The following PCDHGA8 variants were observed in gnomAD, a reference collection of about 807,000 sequenced individuals.
PCDHGA8 encodes the protein protocadherin gamma subfamily A, 8, also known as protocadherin gamma-A8.
In PCDHGA8, 45 loss-of-function variants were observed where a neutral mutation model predicts 59.2. That is an observed-to-expected ratio of 0.76 (90% CI 0.60 to 0.98). The LOEUF is 0.98. Ranked by LOEUF, PCDHGA8 falls within the 50% of genes least tolerant of loss-of-function variation. The pLI is 0.00. For missense variants in PCDHGA8, 1,257 were observed against 1,196.2 expected (o/e 1.05, Z -0.75); for synonymous variants, 531 against 519.0 (o/e 1.02, Z -0.32).
rs141295392 is a variant in PCDHGA8 at position 141,393,658 on chromosome 5, G to A, written c.845G>A (p.Arg282Gln). 3.0e-5 allele frequency: 49 copies of A among 1,613,798 alleles called. No homozygotes were observed. The Middle Eastern group carries it at 6.6e-4, about 22-fold the overall frequency. ...AACGGAAAAGTGGCATACAAATTCC[G>A]GAAAATTAATGAAAAACAAACTCCG... Reference protein sequence around the residue: ...GINGKVAYKFRKINEKQTPLF... With the variant: ...GINGKVAYKFQKINEKQTPLF... The change falls in exon 1 of 4, where the codon CGG becomes CAG. Residue 282 changes from arginine to glutamine, a missense_variant. Arg to Gln is a conservative substitution (Grantham distance 43). Transcript: ENST00000398604.
chr5:141,393,387 C>T lies in PCDHGA8; in HGVS notation c.574C>T (p.Pro192Ser), dbSNP rs772072669. The stretch of plus-strand genomic sequence containing the variant: ...GACTGGAGACAATGGAGCCATAAAC[C>T]CAGAGCTGGTGCTGGAGCGCGCCCT... ...VQTGDNGAINPELVLERALDR... is the reference protein window; with the variant it reads ...VQTGDNGAINSELVLERALDR... The change falls in exon 1 of 4, where the codon CCA (proline) becomes TCA (serine). Residue 192 changes from proline to serine, a missense_variant. Pro to Ser is a moderately conservative substitution (Grantham distance 74). Coordinates refer to ENST00000398604, the MANE Select transcript of PCDHGA8 (RefSeq NM_032088.2). The T allele has an allele frequency of 3.7e-6, 6 of 1,613,972 alleles. No homozygotes were observed. The East Asian group carries it at 1.3e-4, about 36-fold the overall frequency.
intron 1 of PCDHGA8, chr5:141,423,674 C>A (rs57195665): frequency 0.087 from 131,432 of 1,514,090 alleles, 6,254 homozygotes; most frequent in East Asian, 0.14. Flanking sequence ...AGATTTATTT[C>A]TCTGCCTCCT....
chr5:141,433,222 A>G, intron 1 of PCDHGA8: 6 of 1,519,556 alleles, frequency 3.9e-6, no homozygotes, highest in Non-Finnish European at 5.4e-6. Flanking sequence ...TTTTTTTTTA[A>G]TTGCTCTGTC....
intron 1 of PCDHGA8, chr5:141,403,938 G>C (rs1181403397): frequency 1.2e-6 from 2 of 1,613,848 alleles, no homozygotes; most frequent in Non-Finnish European, 1.7e-6. Flanking sequence ...GGATTGAAAG[G>C]GTGGACAAAA....
rs564439931 is a variant in PCDHGA8 at position 141,490,480 on chromosome 5, C to T, written c.2425-4327C>T. On this transcript the variant is annotated intron_variant, in intron 1 of 3. Coordinates refer to ENST00000398604, the MANE Select transcript of PCDHGA8 (RefSeq NM_032088.2). The surrounding 1 kb of genome is among the most constrained non-coding windows in gnomAD (Gnocchi z 5.4). ...GCTGCTAACCAGCCAGCCTTTGGAC[C>T]GGGAGGCCACATCCCACTATATCAT... The T allele has an allele frequency of 3.5e-5, 56 of 1,614,194 alleles. No individual in the cohort carries two copies. Among genetic ancestry groups the T allele is most frequent in the Admixed American group, 1.5e-4 (9 of 60,022 alleles).
intron 2 of PCDHGA8, among the ~76,000 whole-genome samples, chr5:141,500,906 G>C (rs1333707004): frequency 6.7e-6 from 1 of 149,672 alleles, no homozygotes; most frequent in African/African-American, 2.5e-5. Flanking sequence ...GTCTCGCTCT[G>C]TCTCCAGGCT....
chr5:141,400,678 TTG>T, intron 1 of PCDHGA8: 1 of 882,002 alleles, frequency 1.1e-6, no homozygotes, highest in Non-Finnish European at 1.7e-6. Flanking sequence ...GAGCAGTAAA[TTG>T]TGAGTTTTTA....
At chr5:141,445,963 A>G (rs2098483291) in intron 1 of PCDHGA8, among the ~76,000 whole-genome samples, 2 of 152,342 alleles carry the variant, frequency 1.3e-5, no homozygotes, top group South Asian at 2.1e-4. Flanking sequence ...TATATGGAGA[A>G]TTGATTTATG....
chr5:141,421,491 A>G (rs934861223), intron 1 of PCDHGA8: 8 of 1,614,102 alleles, frequency 5.0e-6, no homozygotes, highest in Non-Finnish European at 6.8e-6. Context: ...TGATCACGGC[A>G]GGCAGGATAG....
chr5:141,438,721 G>A (rs886300746), intron 1 of PCDHGA8, among the ~76,000 whole-genome samples: 30 of 148,304 alleles, frequency 2.0e-4, no homozygotes, highest in Non-Finnish European at 7.4e-5. Flanking sequence ...AGTGCAAGTG[G>A]TGTGATCTCA....
chr5:141,421,530 C>A, intron 1 of PCDHGA8: 1 of 1,614,040 alleles, frequency 6.2e-7, no homozygotes, highest in Non-Finnish European at 8.5e-7. Context: ...AGACGGTGTC[C>A]TCCTGTTTTT....
At chr5:141,415,740 G>GTTTTTTTTTTTTTTTTTGTTTTT (rs2095912994) in intron 1 of PCDHGA8, 1 of 515,998 alleles carries the variant, frequency 1.9e-6, no homozygotes. Flanking sequence ...GTTTATTAAG[G>GTTTTTTTTTTTTTTTTTGTTTTT]TTTTTTTTTT....
At chr5:141,466,510 AT>A (rs1222513096) in intron 1 of PCDHGA8, among the ~76,000 whole-genome samples, 1 of 151,938 alleles carries the variant, frequency 6.6e-6, no homozygotes, top group Non-Finnish European at 1.5e-5. Context: ...AGACAAGATC[AT>A]TTTTTTTCCT....
At position 141,487,398 on chromosome 5, in the gene PCDHGA8, G is replaced by A. The variant is rs1342197934; in HGVS notation, c.2425-7409G>A. 1.9e-6 allele frequency: 3 copies of A among 1,613,926 alleles called. No individual in the cohort carries two copies. The African/African-American group carries it at 4.0e-5, about 22-fold the overall frequency. ...CTCACCAGATCTCGAAGGAGGGAGGGGCTTCCCCCTTCCAATGGGATCCTC... is the reference window on the plus strand; with the variant it reads ...CTCACCAGATCTCGAAGGAGGGAGGAGCTTCCCCCTTCCAATGGGATCCTC... On this transcript the variant is annotated intron_variant, in intron 1 of 3. Transcript: ENST00000398604. The surrounding 1 kb of genome is among the most constrained non-coding windows in gnomAD (Gnocchi z 5.0).
chr5:141,414,184 G>C (rs1228749194), intron 1 of PCDHGA8: 3 of 1,609,416 alleles, frequency 1.9e-6, no homozygotes, highest in Non-Finnish European at 2.5e-6. Flanking sequence ...AACTGCAAAA[G>C]TGTTGATTAC....
intron 1 of PCDHGA8, chr5:141,421,226 C>A (rs368125665): frequency 3.7e-5 from 58 of 1,584,718 alleles, no homozygotes; most frequent in Non-Finnish European, 4.6e-5. Context: ...TTAGAGCCTG[C>A]CATGGCGAAT....
rs1561869085 is a variant in PCDHGA8, at chr5:141,433,357, GCCTA to G, written c.2424+38121_2424+38124del. On this transcript the variant is annotated intron_variant, in intron 1 of 3. Transcript: ENST00000398604. ...TACAGGTGCAAGCCACCTACTGTCT[GCCTA>G]TCTATCTATCTATCTATCTATCTAT... is the stretch of plus-strand genomic sequence containing the variant. 3 of 568,974 alleles carry G rather than the reference GCCTA, an allele frequency of 5.3e-6. No homozygotes were observed. In the African/African-American group the frequency reaches 6.4e-5, roughly 12 times the overall value. The allele number at this position is 568,974 out of a possible 1,614,324, so 35.2% of individuals were successfully genotyped here.
At chr5:141,405,442 CAG>C in intron 1 of PCDHGA8, 1 of 1,378,150 alleles carries the variant, frequency 7.3e-7, no homozygotes, top group South Asian at 1.3e-5. Context: ...GTTTTTGAGA[CAG>C]AGTCTTACTC....
intron 1 of PCDHGA8, chr5:141,424,031 T>G (rs2096796228): frequency 1.9e-6 from 2 of 1,036,050 alleles, no homozygotes; most frequent in African/African-American, 3.4e-5. Flanking sequence ...AAACACTTTT[T>G]ATTTCCATTT....
Sources: allele counts gnomAD v4.1 joint callset (sites outside exome capture counted in the v4.1 genomes callset), GRCh38; gene constraint gnomAD v4.1.1; non-coding constraint Gnocchi (gnomAD v3.1); transcripts MANE v1.5; gene names NCBI Gene and HGNC (gene_info 2026-07-23, HGNC 2026-07-21).